Variants in CSMD1 observed in about 807,000 individuals in gnomAD.
The protein encoded by CSMD1 is CUB and sushi domain-containing protein 1.
CSMD1 carries 213 observed loss-of-function variants against 417.5 expected under a neutral mutation model. The ratio of observed to expected loss-of-function variants is 0.51; its 90% CI spans 0.46 to 0.57. The LOEUF (loss-of-function observed/expected upper bound fraction) is 0.57, where lower values mean the gene tolerates loss of function less well. Ranked by LOEUF, CSMD1 falls within the 20% of genes least tolerant of loss-of-function variation. The probability of loss-of-function intolerance (pLI) is 0.00; values close to 1 mark genes in which losing one functional copy is unlikely to be tolerated. For missense variants in CSMD1, 6,923 were observed against 4,529.7 expected (o/e 1.53, Z -15.17); for synonymous variants, 2,862 against 1,736.8 (o/e 1.65, Z -16.11).
chr8:4,060,836 T>C (rs1237462193), intron 3 of CSMD1, among the ~76,000 whole-genome samples: 2 of 152,070 alleles, frequency 1.3e-5, no homozygotes, highest in African/African-American at 4.8e-5. Context: ...AGAAATGCAT[T>C]AATCATGTAA....
At chr8:3,759,110 A>G (rs186595753) in intron 5 of CSMD1, among the ~76,000 whole-genome samples, 2 of 152,330 alleles carry the variant, frequency 1.3e-5, no homozygotes, top group East Asian at 3.9e-4. Context: ...TATTTACTGA[A>G]CATAATAAAC....
At chr8:4,857,079 G>A (rs1801845682) in intron 1 of CSMD1, among the ~76,000 whole-genome samples, 3 of 149,078 alleles carry the variant, frequency 2.0e-5, no homozygotes, top group South Asian at 2.2e-4. Flanking sequence ...TCAGACCACA[G>A]TGCAATCAAA....
At chr8:4,879,500 T>G (rs983929940) in intron 1 of CSMD1, among the ~76,000 whole-genome samples, 1 of 152,126 alleles carries the variant, frequency 6.6e-6, no homozygotes, top group Non-Finnish European at 1.5e-5. Flanking sequence ...TTATAACATC[T>G]GCTGTTTATA....
intron 52 of CSMD1, among the ~76,000 whole-genome samples, chr8:3,002,189 C>T (rs540279326): frequency 2.0e-5 from 3 of 152,234 alleles, no homozygotes; most frequent in Admixed American, 6.5e-5. Context: ...AAGCGGAGAA[C>T]GTCGATGAGG....
intron 15 of CSMD1, among the ~76,000 whole-genome samples, chr8:3,399,799 T>G (rs1176383604): frequency 6.6e-6 from 1 of 152,240 alleles, no homozygotes; most frequent in Non-Finnish European, 1.5e-5. Flanking sequence ...AACTGAATTA[T>G]CTCATTTAAC....
chr8:3,049,932 CGAG>C (rs1811708116), intron 50 of CSMD1, among the ~76,000 whole-genome samples: 1 of 151,942 alleles, frequency 6.6e-6, no homozygotes, highest in Admixed American at 6.5e-5. Flanking sequence ...AAACTACTCT[CGAG>C]AACAACGTCT....
At chr8:4,392,528 G>A (rs778040171) in intron 3 of CSMD1, among the ~76,000 whole-genome samples, 25 of 152,090 alleles carry the variant, frequency 1.6e-4, no homozygotes, top group Non-Finnish European at 2.8e-4. Flanking sequence ...TGTGGAGATG[G>A]GAGTGTCATT....
chr8:3,554,072 C>A (rs886531608), intron 10 of CSMD1, among the ~76,000 whole-genome samples: 5 of 152,058 alleles, frequency 3.3e-5, no homozygotes, highest in African/African-American at 1.2e-4. Context: ...TGTGTGTGCT[C>A]GTAGCTTATA....
intron 1 of CSMD1, among the ~76,000 whole-genome samples, chr8:4,795,386 C>G (rs1266018623): frequency 6.7e-6 from 1 of 148,538 alleles, no homozygotes; most frequent in Non-Finnish European, 1.5e-5. Context: ...ATTCTCCTGC[C>G]TCAGCCTTCC....
chr8:3,834,218 G>A (rs1563127165), intron 5 of CSMD1, among the ~76,000 whole-genome samples: 3 of 149,372 alleles, frequency 2.0e-5, no homozygotes, highest in African/African-American at 4.9e-5. Context: ...CTTTTATTTT[G>A]TAAAGAATTG....
chr8:3,257,063 T>C (rs1168380956), intron 26 of CSMD1, among the ~76,000 whole-genome samples: 2 of 152,226 alleles, frequency 1.3e-5, no homozygotes, highest in Non-Finnish European at 2.9e-5. Flanking sequence ...GGCTCATGCC[T>C]GTAATCCCAG....
chr8:3,278,803 G>A (rs879825426), intron 26 of CSMD1: 1 of 152,108 alleles, frequency 6.6e-6, no homozygotes, highest in Non-Finnish European at 1.5e-5. Flanking sequence ...CCCACCTTTG[G>A]TTTGGAAAGA....
At chr8:3,692,798 C>T (rs1411234496) in intron 7 of CSMD1, among the ~76,000 whole-genome samples, 1 of 152,112 alleles carries the variant, frequency 6.6e-6, no homozygotes, top group East Asian at 1.9e-4. Context: ...TATTCTGAGA[C>T]CTCTGGACCC....
At chr8:4,668,792 T>A (rs561546341) in intron 1 of CSMD1, among the ~76,000 whole-genome samples, 3 of 152,282 alleles carry the variant, frequency 2.0e-5, no homozygotes, top group Admixed American at 6.5e-5. Flanking sequence ...AATCCCTCAA[T>A]GAAGTGCTCA....
intron 1 of CSMD1, among the ~76,000 whole-genome samples, chr8:4,853,703 G>C (rs967636389): frequency 3.9e-5 from 6 of 152,160 alleles, no homozygotes; most frequent in Non-Finnish European, 5.9e-5. Flanking sequence ...CCAAACTGAG[G>C]AATGGTAGAT....
At chr8:4,812,039 G>C (rs927616309) in intron 1 of CSMD1, among the ~76,000 whole-genome samples, 2 of 152,182 alleles carry the variant, frequency 1.3e-5, no homozygotes, top group African/African-American at 2.4e-5. Flanking sequence ...CCCAAGAAAA[G>C]ACAAGGTCCT....
Position 4,044,882 on chromosome 8 carries a change from C to G in CSMD1, c.416-12783G>C, listed in dbSNP as rs76487724. 2.4e-4 allele frequency among the ~76,000 whole-genome samples: 36 copies of G among 152,332 alleles called. No homozygotes were observed. The East Asian group carries it at 7.0e-3, about 29-fold the overall frequency. On this transcript the variant is annotated intron_variant, in intron 3 of 69. Transcript: ENST00000635120. The stretch of plus-strand genomic sequence containing the variant: ...CTGCACCATCCTGAACTTTGCAGCC[C>G]TCAGGCCCAGACTGACTTCTCCCAC...
At chr8:4,491,270 C>T (rs79236459) in intron 2 of CSMD1, among the ~76,000 whole-genome samples, 47 of 152,100 alleles carry the variant, frequency 3.1e-4, no homozygotes, top group Admixed American at 1.1e-3. Context: ...GAGACCATCA[C>T]GGAAGATCCC....
chr8:4,470,760 G>A (rs745979350), intron 2 of CSMD1, among the ~76,000 whole-genome samples: 10 of 152,144 alleles, frequency 6.6e-5, no homozygotes, highest in Non-Finnish European at 1.0e-4. Context: ...TGACTTAATT[G>A]GACCCAGATT....
Sources: allele counts gnomAD v4.1 joint callset (sites outside exome capture counted in the v4.1 genomes callset), GRCh38; gene constraint gnomAD v4.1.1; transcripts MANE v1.5; gene names NCBI Gene and HGNC (gene_info 2026-07-23, HGNC 2026-07-21).